Variants in TBATA observed in about 807,000 individuals in gnomAD.
The protein encoded by TBATA is thymus, brain and testes associated.
A neutral mutation model predicts 38.7 loss-of-function variants in TBATA; 47 were observed. The observed-to-expected ratio is 1.21, with a 90% CI of 0.96 to 1.55. The LOEUF (loss-of-function observed/expected upper bound fraction) is 1.55, where lower values mean the gene tolerates loss of function less well. Ranked by LOEUF, TBATA falls within the 40% of genes most tolerant of loss-of-function variation. The probability of loss-of-function intolerance (pLI) is 0.00; values close to 1 mark genes in which losing one functional copy is unlikely to be tolerated. For missense variants in TBATA, 436 were observed against 435.6 expected, an observed-to-expected ratio of 1.00 and a Z score of -0.01; for synonymous variants, 183 against 170.5, an observed-to-expected ratio of 1.07 and a Z score of -0.57.
rs759944122 is a variant in TBATA at position 70,781,921 on chromosome 10, G to A, written c.157C>T (p.Arg53Cys). ...IPGIVDFERI[R>C]RALRTPKPQT... is the part of the protein sequence containing the mutation. Reference sequence around the variant, plus strand: ...GGCTTTGGGGTCCTCAATGCCCGGCGGATCCGCTCGAAATCCACAATCCCT... The same window carrying A: ...GGCTTTGGGGTCCTCAATGCCCGGCAGATCCGCTCGAAATCCACAATCCCT... The change falls in exon 4 of 11, where the codon CGC (arginine) becomes TGC (cysteine). Residue 53 changes from arginine to cysteine, a missense_variant. Arg to Cys is a radical substitution (Grantham distance 180). Transcript: ENST00000456372. 1.4e-5 allele frequency: 23 copies of A among 1,614,090 alleles called. No individual in the cohort carries two copies. Among genetic ancestry groups the A allele is most frequent in the East Asian group, 6.7e-5 (3 of 44,882 alleles).
At chr10:70,776,917 T>C (rs1843477070) in intron 7 of TBATA, among the ~76,000 whole-genome samples, 1 of 152,080 alleles carries the variant, frequency 6.6e-6, no homozygotes, top group South Asian at 2.1e-4. Flanking sequence ...CAACAGTGCG[T>C]TCATGCTTCC....
At position 70,772,502 on chromosome 10, in the gene TBATA, T is replaced by G. The variant is rs1477692694; in HGVS notation, c.973+12A>C. ...GTGAGTCCCCCAAATGACCCACTAC[T>G]TGGAATCTTACCTGGTTTTTCGCTT... On this transcript the variant is annotated intron_variant, in intron 10 of 10. Coordinates refer to ENST00000456372, the MANE Select transcript of TBATA (RefSeq NM_001318241.2). 11 of 1,613,986 alleles carry G rather than the reference T, an allele frequency of 6.8e-6. No homozygotes were observed. The highest frequency in any genetic ancestry group is 1.3e-5 in the African/African-American group (1 of 74,938).
chr10:70,772,243 T>G, intron 10 of TBATA: 1 of 643,188 alleles, frequency 1.6e-6, no homozygotes, highest in East Asian at 3.2e-5. Flanking sequence ...GGTGTTTTAA[T>G]TTGTTGTCTG....
chr10:70,774,840 C>CTG (rs568388072), intron 8 of TBATA, among the ~76,000 whole-genome samples: 162 of 152,130 alleles, frequency 1.1e-3, no homozygotes, highest in South Asian at 0.01. Flanking sequence ...CTACTTGCAC[C>CTG]TGTGTGTGTG....
At chr10:70,775,147 G>A in intron 8 of TBATA, 42 bp downstream of exon 8, 1 of 1,568,330 alleles carries the variant, frequency 6.4e-7, no homozygotes, top group Non-Finnish European at 8.8e-7. Context: ...GCAGGACCTT[G>A]GCAGCCTCCA....
intron 7 of TBATA, chr10:70,776,519 CA>C: frequency 2.4e-6 from 1 of 415,188 alleles, no homozygotes; most frequent in Non-Finnish European, 4.9e-6. Flanking sequence ...CTGCTCTATC[CA>C]CTTTGCTGCA....
chr10:70,778,562 T>A lies in TBATA; in HGVS notation c.502A>T (p.Lys168Ter). ...FLTKEDELKKKEQKEQKEEPL... is the reference protein window; with the variant it reads ...FLTKEDELKK ...CTCCTGTGTTCCGCACCCACCTCTT[T>A]CTTCTTCAGTTCATCCTCCTTGGTG... Residue 168 changes from lysine to a stop codon, truncating the protein, a stop_gained, in exon 6 of 11, where the codon AAA becomes TAA. Transcript: ENST00000456372. LOFTEE classifies it high-confidence loss of function. 1 of 1,614,138 alleles carries A rather than the reference T, an allele frequency of 6.2e-7. No individual in the cohort carries two copies. Among genetic ancestry groups the A allele is most frequent in the Non-Finnish European group, 8.5e-7 (1 of 1,179,966 alleles).
rs1843763768 is a variant in TBATA, at chr10:70,778,843, G to A, written c.428-207C>T. 2.9e-5 allele frequency: 19 copies of A among 650,006 alleles called. No individual in the cohort carries two copies. In the Admixed American group the frequency reaches 3.3e-4, roughly 11 times the overall value. 40.3% of individuals were successfully genotyped at this position (650,006 alleles called of 1,614,324 possible). A position where few individuals can be genotyped will look rare whatever the true frequency, so the allele number is the denominator to read the frequency against. ...TTGTGGCAGTGGGTGGGGTGCGGGGGTGGGGCATTGCTTTCCTTCTAGCAG... is the reference window on the plus strand; with the variant it reads ...TTGTGGCAGTGGGTGGGGTGCGGGGATGGGGCATTGCTTTCCTTCTAGCAG... On this transcript the variant is annotated intron_variant, in intron 5 of 10. Transcript: ENST00000456372.
chr10:70,774,991 A>C (rs1276537990), intron 8 of TBATA, among the ~76,000 whole-genome samples, 198 bp downstream of exon 8: 3 of 152,122 alleles, frequency 2.0e-5, no homozygotes, highest in Non-Finnish European at 2.9e-5. Flanking sequence ...AATCCTGCTG[A>C]GGAATTGGGG....
In TBATA at chr10:70,772,580, C is replaced by T; in HGVS notation, c.921-14G>A. 6.2e-7 allele frequency: 1 copy of T among 1,614,092 alleles called. No homozygotes were observed. Among genetic ancestry groups the T allele is most frequent in the South Asian group, 1.1e-5 (1 of 91,080 alleles). On this transcript the variant is annotated splice_polypyrimidine_tract_variant and intron_variant, in intron 9 of 10. Transcript: ENST00000456372. ...TTCGGGGATTGACTGTGACCAAATA[C>T]AAAGAAGGGGCTGGGAAGGTCATGC...
At position 70,781,933 on chromosome 10, in the gene TBATA, A is replaced by T. The variant is rs1844270530; in HGVS notation, c.145T>A (p.Phe49Ile). ...CTCAATGCCCGGCGGATCCGCTCGA[A>T]ATCCACAATCCCTGGGATCACCAGT... ...KELVIPGIVDFERIRRALRTP... is the reference protein window; with the variant it reads ...KELVIPGIVDIERIRRALRTP... The change falls in exon 4 of 11, where the codon TTC (phenylalanine) becomes ATC (isoleucine). Residue 49 changes from phenylalanine (F) to isoleucine (I), a missense_variant. Phe to Ile is a conservative substitution (Grantham distance 21). Coordinates refer to ENST00000456372, the MANE Select transcript of TBATA (RefSeq NM_001318241.2). 1 of 1,614,180 alleles carries T rather than the reference A, an allele frequency of 6.2e-7. No homozygotes were observed. The highest frequency in any genetic ancestry group is 2.2e-5 in the East Asian group (1 of 44,870).
At chr10:70,779,172 G>A (rs576387692) in intron 5 of TBATA, among the ~76,000 whole-genome samples, 2 of 152,316 alleles carry the variant, frequency 1.3e-5, no homozygotes, top group South Asian at 4.2e-4. Flanking sequence ...CCTCAGTGGT[G>A]GAAAGGATAA....
At chr10:70,778,399 G>A in intron 6 of TBATA, 158 bp downstream of exon 6, 1 of 769,544 alleles carries the variant, frequency 1.3e-6, no homozygotes. Flanking sequence ...CCACCTAGGT[G>A]TGCTCTCTCC....
At chr10:70,781,102 C>T (rs1844155951) in intron 4 of TBATA, among the ~76,000 whole-genome samples, 2 of 152,222 alleles carry the variant, frequency 1.3e-5, no homozygotes. Flanking sequence ...TCCTACTTTA[C>T]TCCAGCCAGA....
chr10:70,777,513 A>C (rs2254442), intron 6 of TBATA, among the ~76,000 whole-genome samples, 175 bp from the exon 7 acceptor site: 18,251 of 149,512 alleles, frequency 0.12, 1,480 homozygotes, highest in African/African-American at 0.24. Flanking sequence ...CACCCCCCCA[A>C]CCTCACCTGC....
rs185486367 is a variant in TBATA at position 70,781,687 on chromosome 10, C to T, written c.277+114G>A. 1.8e-4 allele frequency: 186 copies of T among 1,043,724 alleles called. 1 individual carries two copies. In the African/African-American group the frequency reaches 2.8e-3, roughly 16 times the overall value. The allele number at this position is 1,043,724 out of a possible 1,614,324, so 64.7% of individuals were successfully genotyped here. A position where few individuals can be genotyped will look rare whatever the true frequency, so the allele number is the denominator to read the frequency against. ...TTTGGCAGCCCTGGGATCCTGGACC[C>T]CATCCTCTCTGGGCCCCAGCCTGGA... is the stretch of plus-strand genomic sequence containing the variant. On this transcript the variant is annotated intron_variant, in intron 4 of 10. Transcript: ENST00000456372.
intron 7 of TBATA, among the ~76,000 whole-genome samples, chr10:70,776,821 G>A (rs1843461754): frequency 6.6e-6 from 1 of 152,174 alleles, no homozygotes; most frequent in African/African-American, 2.4e-5. Flanking sequence ...GCGGCCTGCT[G>A]TGATGGGCAG....
In TBATA at chr10:70,771,242, A is replaced by T; in HGVS notation, c.*134T>A. On this transcript the variant is annotated 3_prime_UTR_variant, in exon 11 of 11. Transcript: ENST00000456372. The stretch of plus-strand genomic sequence containing the variant: ...TAGGAAAGCAGAACTGTCCTCTCTC[A>T]GGGAAGACGGTTTTATTTAGTAAGA... 6.3e-7 allele frequency: 1 copy of T among 1,583,076 alleles called. No individual in the cohort carries two copies. The highest frequency in any genetic ancestry group is 8.6e-7 in the Non-Finnish European group (1 of 1,161,328).
Position 70,783,336 on chromosome 10 carries a change from C to T in TBATA, c.41+3G>A. ...TCAGCAGGGTGGGCATTTGGAGCCT[C>T]ACCTCATCAGTGGATAATCAGCCAA... On this transcript the variant is annotated splice_donor_region_variant and intron_variant, in intron 3 of 10. Transcript: ENST00000456372. 6.2e-7 allele frequency: 1 copy of T among 1,614,214 alleles called. No homozygotes were observed. The highest frequency in any genetic ancestry group is 2.2e-5 in the East Asian group (1 of 44,892).
Sources: allele counts gnomAD v4.1 joint callset (sites outside exome capture counted in the v4.1 genomes callset), GRCh38; gene constraint gnomAD v4.1.1; transcripts MANE v1.5; gene names NCBI Gene and HGNC (gene_info 2026-07-23, HGNC 2026-07-21).